The following NAV3 variants were observed in gnomAD, a reference collection of about 807,000 sequenced individuals.
NAV3 encodes the protein neuron navigator 3.
Under a neutral mutation model 244.7 loss-of-function variants are expected in NAV3, and 87 were observed. The ratio of observed to expected loss-of-function variants is 0.36; its 90% CI spans 0.30 to 0.42. The LOEUF is 0.42. NAV3 is among the 20% of genes least tolerant of loss of function. The pLI is 1.00. For synonymous variants in NAV3, 1,126 were observed against 1,042.2 expected (o/e 1.08, Z -1.55); for missense variants, 2,663 against 2,893.3 (o/e 0.92, Z 1.83).
chr12:78,101,450 T>A (rs1044040347), intron 12 of NAV3, among the ~76,000 whole-genome samples: 1 of 152,170 alleles, frequency 6.6e-6, no homozygotes, highest in Admixed American at 6.5e-5. Flanking sequence ...AAGGAATCTT[T>A]TTTAAACTGC....
chr12:77,980,089 G>C (rs1436005225), intron 5 of NAV3, among the ~76,000 whole-genome samples: 2 of 152,092 alleles, frequency 1.3e-5, no homozygotes, highest in African/African-American at 4.8e-5. Context: ...GACAGATGAG[G>C]GGCTTGGCGT....
chr12:77,762,979 C>T (rs771535272), intron 2 of NAV3, among the ~76,000 whole-genome samples: 23 of 152,234 alleles, frequency 1.5e-4, no homozygotes, highest in Non-Finnish European at 3.2e-4. Flanking sequence ...AAATGTGAAC[C>T]TTAATTTGTT....
intron 2 of NAV3, among the ~76,000 whole-genome samples, chr12:77,798,111 G>A (rs1333495757): frequency 2.0e-5 from 3 of 151,372 alleles, no homozygotes; most frequent in Admixed American, 6.6e-5. Context: ...GTAGCTCACC[G>A]AGATTATGCC....
chr12:77,638,006 T>C (rs901775840), intron 2 of NAV3, among the ~76,000 whole-genome samples: 2 of 152,186 alleles, frequency 1.3e-5, no homozygotes, highest in African/African-American at 2.4e-5. Context: ...AAAGCAACCT[T>C]TGTGATGTGC....
At chr12:78,200,930 A>G (rs960390451) in intron 38 of NAV3, among the ~76,000 whole-genome samples, 1 of 151,768 alleles carries the variant, frequency 6.6e-6, no homozygotes, top group African/African-American at 2.4e-5. Flanking sequence ...AGCCTTGACC[A>G]TTTATATTCT....
chr12:77,648,160 G>T (rs1380570549), intron 2 of NAV3, among the ~76,000 whole-genome samples: 1 of 151,988 alleles, frequency 6.6e-6, no homozygotes, highest in Non-Finnish European at 1.5e-5. Context: ...AAAAGTAAAG[G>T]CCTCGTTTCA....
intron 1 of NAV3, among the ~76,000 whole-genome samples, chr12:77,880,247 G>A (rs111908495): frequency 1.3e-5 from 2 of 152,158 alleles, no homozygotes; most frequent in African/African-American, 4.8e-5. Context: ...TTTCATTTGG[G>A]GAAGATACCA....
chr12:78,199,316 AT>A lies in NAV3; in HGVS notation c.6519-11del, dbSNP rs564541675. 5.8e-6 allele frequency: 9 copies of A among 1,548,400 alleles called. No individual in the cohort carries two copies. The highest frequency in any genetic ancestry group is 3.7e-5 in the South Asian group (3 of 81,662). On this transcript the variant is annotated intron_variant, in intron 36 of 39. Transcript: ENST00000397909. ...AATTTAATTTATATAAAAATGTCTG[AT>A]TTTTTTTCTTTTTGTAGGTGGGTAT...
At chr12:78,186,272 C>T (rs1958716077) in intron 31 of NAV3, among the ~76,000 whole-genome samples, 1 of 151,826 alleles carries the variant, frequency 6.6e-6, no homozygotes, top group African/African-American at 2.4e-5. Context: ...TTTCTTAAAA[C>T]AACAACAAAA....
At chr12:77,883,050 A>G (rs1882856077) in intron 1 of NAV3, among the ~76,000 whole-genome samples, 1 of 152,196 alleles carries the variant, frequency 6.6e-6, no homozygotes. Context: ...AACTTAAAAC[A>G]GAGCAACCAT....
At chr12:77,838,812 A>G (rs1875114907) in intron 1 of NAV3, among the ~76,000 whole-genome samples, 1 of 152,246 alleles carries the variant, frequency 6.6e-6, no homozygotes, top group African/African-American at 2.4e-5. Context: ...AACTTATGCT[A>G]GATCCTAAAA....
chr12:78,066,128 A>G (rs1278148091), intron 12 of NAV3, among the ~76,000 whole-genome samples: 1 of 152,072 alleles, frequency 6.6e-6, no homozygotes, highest in Non-Finnish European at 1.5e-5. Flanking sequence ...CTCTCCTGCC[A>G]TATGAGGTTA....
At position 78,200,600 on chromosome 12, in the gene NAV3, C is replaced by CCTG; in HGVS notation, c.6834+9_6834+10insCTG. On this transcript the variant is annotated intron_variant, in intron 38 of 39. Transcript: ENST00000397909. ...TGAGAGAGGGTCTTCAGGTATAGTA[C>CCTG]TCAATTTTCATTGCTATTTTTTTTT... is the stretch of plus-strand genomic sequence containing the variant. 1 of 1,365,196 alleles carries CCTG rather than the reference C, an allele frequency of 7.3e-7. No homozygotes were observed. The highest frequency in any genetic ancestry group is 1.5e-5 in the South Asian group (1 of 65,760). 84.6% of individuals were successfully genotyped at this position (1,365,196 alleles called of 1,614,324 possible).
chr12:78,145,831 A>G (rs1956842329), intron 20 of NAV3, among the ~76,000 whole-genome samples: 1 of 152,178 alleles, frequency 6.6e-6, no homozygotes, highest in South Asian at 2.1e-4. Context: ...AAAAAGTAGA[A>G]GTAAATAATG....
chr12:78,175,311 C>T lies in NAV3; in HGVS notation c.4987C>T (p.Arg1663Cys), dbSNP rs753543301. Residue 1663 changes from arginine to cysteine, a missense_variant, in exon 25 of 40, where the codon CGC becomes TGC. Around this residue, in one of 6 missense-constraint regions of NAV3, gnomAD observed 193 missense variants for 200.7 expected, o/e 0.96. Transcript: ENST00000397909. ...NGPDHPPKDL[R>C]IRRQHSSESV... ...TACTCTCCCTCTATTGCTAGATCTT[C>T]GCATCAGAAGACAGCATTCCTCTGA... is the stretch of plus-strand genomic sequence containing the variant. 116 of 1,610,422 alleles carry T rather than the reference C, an allele frequency of 7.2e-5. No homozygotes were observed. Among genetic ancestry groups the T allele is most frequent in the Middle Eastern group, 3.3e-4 (2 of 6,056 alleles).
chr12:78,139,881 T>A (rs1230631184), intron 19 of NAV3, among the ~76,000 whole-genome samples: 1 of 152,154 alleles, frequency 6.6e-6, no homozygotes, highest in Non-Finnish European at 1.5e-5. Flanking sequence ...AATCTGAAAG[T>A]GGACCTTTGT....
Position 77,765,076 on chromosome 12 carries a change from C to T in NAV3, c.73-175243C>T, listed in dbSNP as rs140518260. On this transcript the variant is annotated intron_variant, in intron 2 of 8. Transcript: ENST00000550042. ...TTGGAAAGGGGAAGTCCCCAGAAAT[C>T]CTGATCTTTTCAACTTCCTTCTCTA... is the stretch of plus-strand genomic sequence containing the variant. 3.8e-3 allele frequency among the ~76,000 whole-genome samples: 581 copies of T among 152,330 alleles called. 2 individuals are homozygous for T. Among genetic ancestry groups the T allele is most frequent in the African/African-American group, 0.013 (556 of 41,578 alleles).
intron 1 of NAV3, among the ~76,000 whole-genome samples, chr12:77,909,390 C>T (rs1337348083): frequency 6.6e-6 from 1 of 151,414 alleles, no homozygotes; most frequent in African/African-American, 2.4e-5. Flanking sequence ...ATAGTGAATA[C>T]TGATAGGAAG....
intron 2 of NAV3, among the ~76,000 whole-genome samples, chr12:77,681,614 T>C (rs1379794749): frequency 6.6e-6 from 1 of 152,098 alleles, no homozygotes; most frequent in East Asian, 1.9e-4. Flanking sequence ...TCAACTGTTT[T>C]TTTCAATAAA....
Sources: gnomAD v4.1 joint callset for allele counts (sites outside exome capture counted in the v4.1 genomes callset) on GRCh38, gnomAD v4.1.1 for gene constraint, gnomAD v4.1.1 regional missense constraint, MANE v1.5 for transcripts, NCBI Gene and HGNC (gene_info 2026-07-23, HGNC 2026-07-21) for gene names.